Variants in PDCD2 observed in about 807,000 individuals in gnomAD.
The protein encoded by PDCD2 is programmed cell death 2, also known as uS5 assembly chaperone PDCD2.
In PDCD2, 38 loss-of-function variants were observed where a neutral mutation model predicts 38.1. The observed-to-expected ratio is 1.00, with a 90% confidence interval of 0.77 to 1.31. The LOEUF is 1.31. Among genes scored for constraint, PDCD2 ranks in the 50% most tolerant of loss-of-function variants. The pLI, the probability that PDCD2 is intolerant of heterozygous loss-of-function variation, is 0.00. For missense variants in PDCD2, 473 were observed against 435.7 expected, an observed-to-expected ratio of 1.09 and a Z score of -0.76; for synonymous variants, 205 against 168.9, an observed-to-expected ratio of 1.21 and a Z score of -1.66.
Position 170,583,072 on chromosome 6 carries a change from T to C in PDCD2, c.643A>G (p.Ile215Val). The C allele has an allele frequency of 6.2e-7, 1 of 1,612,728 alleles. No homozygotes were observed. The highest frequency in any genetic ancestry group is 8.5e-7 in the Non-Finnish European group (1 of 1,179,108). Residue 215 changes from isoleucine (I) to valine (V), a missense_variant, in exon 3 of 6, where the codon ATT (isoleucine) becomes GTT (valine). Coordinates refer to ENST00000541970, the MANE Select transcript of PDCD2 (RefSeq NM_002598.4). ...EVVEKEDYSEIIGSMGEALEE... is the reference protein window; with the variant it reads ...EVVEKEDYSEVIGSMGEALEE... ...AACTGCTTACCCATGCTCCCTATAA[T>C]CTCTGAGTAATCTTCCTTTTCCACA...
chr6:170,584,323 G>C lies in PDCD2; in HGVS notation c.259C>G (p.Gln87Glu), dbSNP rs750683402. The C allele has an allele frequency of 6.7e-7, 1 of 1,496,974 alleles. No individual in the cohort carries two copies. The highest frequency in any genetic ancestry group is 2.2e-5 in the Admixed American group (1 of 45,806). 92.7% of individuals were successfully genotyped at this position (1,496,974 alleles called of 1,614,324 possible). Reference protein sequence around the residue: ...RCIFLFCCREQPCCAGLRVFR... With the variant: ...RCIFLFCCREEPCCAGLRVFR... ...CCTCGCAGGCCGGCACAGCACGGCT[G>C]CTCGCGGCAGCAGAAGAGGAAGATG... The change falls in exon 1 of 6, where the codon CAG becomes GAG. Residue 87 changes from glutamine to glutamate, a missense_variant. Transcript: ENST00000541970.
At chr6:170,583,970 G>C (rs1259789682) in intron 1 of PDCD2, 1 of 550,616 alleles carries the variant, frequency 1.8e-6, no homozygotes, top group Non-Finnish European at 3.2e-6. Context: ...AAGACTGATC[G>C]TTAAGAACGA....
chr6:170,583,933 G>C, intron 1 of PDCD2, 186 bp from the exon 2 acceptor site: 1 of 606,714 alleles, frequency 1.6e-6, no homozygotes, highest in Non-Finnish European at 2.9e-6. Context: ...TTGCCTCCTA[G>C]AGGTGGTTTG....
At chr6:170,583,264 A>G in intron 2 of PDCD2, 76 bp from the exon 3 acceptor site, 2 of 1,092,432 alleles carry the variant, frequency 1.8e-6, no homozygotes, top group East Asian at 4.7e-5. Context: ...TCTCTAAAGT[A>G]CTATATTCCC....
Position 170,583,043 on chromosome 6 carries a change from CTG to C in PDCD2, c.658+12_658+13del. 2 of 1,607,366 alleles carry C rather than the reference CTG, an allele frequency of 1.2e-6. No homozygotes were observed. Among genetic ancestry groups the C allele is most frequent in the African/African-American group, 2.7e-5 (2 of 74,550 alleles). On this transcript the variant is annotated intron_variant, in intron 3 of 5. Transcript: ENST00000541970. ...GTTTAACCACTTAATGAATGAAGTCCTGAAACTGCTTACCCATGCTCCCTATA... is the reference window on the plus strand; with the variant it reads ...GTTTAACCACTTAATGAATGAAGTCCAAACTGCTTACCCATGCTCCCTATA...
Position 170,577,725 on chromosome 6 carries a change from G to A in PDCD2, c.877-8C>T. On this transcript the variant is annotated splice_region_variant and splice_polypyrimidine_tract_variant and intron_variant, in intron 5 of 5. Transcript: ENST00000541970. ...TAGGAGCTGAGGCATGACCTGAGAAGAGGGTGACACACAGTTAGAAAGCTG... is the reference window on the plus strand; with the variant it reads ...TAGGAGCTGAGGCATGACCTGAGAAAAGGGTGACACACAGTTAGAAAGCTG... 1.2e-6 allele frequency: 2 copies of A among 1,611,948 alleles called. No individual in the cohort carries two copies. The highest frequency in any genetic ancestry group is 1.1e-5 in the South Asian group (1 of 90,930).
chr6:170,578,512 A>G, intron 5 of PDCD2: 1 of 657,312 alleles, frequency 1.5e-6, no homozygotes, highest in African/African-American at 1.8e-5. Flanking sequence ...TTTAATTACT[A>G]GAACAAGAAA....
At chr6:170,578,157 A>G (rs1357932829) in intron 5 of PDCD2, among the ~76,000 whole-genome samples, 1 of 106,724 alleles carries the variant, frequency 9.4e-6, no homozygotes, top group Non-Finnish European at 1.9e-5. Flanking sequence ...AAGAGTGAAT[A>G]GGCAGAATAG....
chr6:170,577,828 A>T, intron 5 of PDCD2, 111 bp from the exon 6 acceptor site: 1 of 952,824 alleles, frequency 1.0e-6, no homozygotes, highest in Non-Finnish European at 1.6e-6. Flanking sequence ...CATACTACAA[A>T]GCAGGATTAT....
intron 3 of PDCD2, chr6:170,582,557 A>G: frequency 7.5e-7 from 1 of 1,334,422 alleles, no homozygotes; most frequent in Non-Finnish European, 9.6e-7. Context: ...AGCCCTTTAT[A>G]TAAGGTAAGT....
rs1397364784 is a variant in PDCD2 at position 170,583,729 on chromosome 6, G to C, written c.302C>G (p.Pro101Arg). The C allele has an allele frequency of 1.9e-6, 3 of 1,609,396 alleles. No homozygotes were observed. The highest frequency in any genetic ancestry group is 2.2e-5 in the South Asian group (2 of 90,476). ...AGLRVFRNQL[P>R]RKNDFYSYEP... ...ATATGAGTAAAAATCGTTTTTCCTG[G>C]GTAGTTGATTCCTAAAAACTAAAAA... Residue 101 changes from proline (P) to arginine (R), a missense_variant, in exon 2 of 6, where the codon CCC becomes CGC. Transcript: ENST00000541970.
Position 170,578,976 on chromosome 6 carries a change from A to G in PDCD2, c.763-6T>C. 6.7e-7 allele frequency: 1 copy of G among 1,483,880 alleles called. No homozygotes were observed. The highest frequency in any genetic ancestry group is 2.3e-5 in the East Asian group (1 of 44,282). The allele number at this position is 1,483,880 out of a possible 1,614,324, so 91.9% of individuals were successfully genotyped here. A position where few individuals can be genotyped will look rare whatever the true frequency, so the allele number is the denominator to read the frequency against. The stretch of plus-strand genomic sequence containing the variant: ...CCTCTGCCATATCTAAGAATCTAAA[A>G]TCAATGAAGATCATGTTCAAATAAT... On this transcript the variant is annotated splice_polypyrimidine_tract_variant and splice_region_variant and intron_variant, in intron 4 of 5. Coordinates refer to ENST00000541970, the MANE Select transcript of PDCD2 (RefSeq NM_002598.4).
rs1214939626 is a variant in PDCD2, at chr6:170,577,674, C to T, written c.920G>A (p.Gly307Asp). The T allele has an allele frequency of 6.2e-7, 1 of 1,613,444 alleles. No individual in the cohort carries two copies. Among genetic ancestry groups the T allele is most frequent in the Admixed American group, 1.7e-5 (1 of 60,008 alleles). ...LLNYLKADRL[G>D]KSIDWGILAV... ...CAGGATGCCCCAGTCAATGCTCTTG[C>T]CCAGTCTGTCAGCCTTCAGGTAGTT... Residue 307 changes from glycine to aspartate, a missense_variant, in exon 6 of 6, where the codon GGC becomes GAC. Coordinates refer to ENST00000541970, the MANE Select transcript of PDCD2 (RefSeq NM_002598.4).
Position 170,583,197 on chromosome 6 carries a change from A to C in PDCD2, c.527-9T>G, listed in dbSNP as rs1401069411. 6.4e-7 allele frequency: 1 copy of C among 1,560,042 alleles called. No individual in the cohort carries two copies. The highest frequency in any genetic ancestry group is 8.8e-7 in the Non-Finnish European group (1 of 1,137,670). ...TATATGGTCCAGATGATCTGAAACA[A>C]AAAGGACAGCACTATTAGTAATCAT... On this transcript the variant is annotated splice_polypyrimidine_tract_variant and intron_variant, in intron 2 of 5. Coordinates refer to ENST00000541970, the MANE Select transcript of PDCD2 (RefSeq NM_002598.4).
At chr6:170,579,805 T>C (rs1779544497) in intron 4 of PDCD2, 197 bp downstream of exon 4, 1 of 494,588 alleles carries the variant, frequency 2.0e-6, no homozygotes, top group Non-Finnish European at 3.6e-6. Context: ...TAGTAACTAT[T>C]AAATGGATCA....
chr6:170,583,450 C>G, intron 2 of PDCD2, 55 bp downstream of exon 2: 3 of 1,549,988 alleles, frequency 1.9e-6, no homozygotes, highest in Non-Finnish European at 2.6e-6. Flanking sequence ...CTGGAAATAT[C>G]TGGGTTGACA....
At chr6:170,583,831 TAAC>T (rs1488801874) in intron 1 of PDCD2, 84 bp from the exon 2 acceptor site, 32 of 1,028,800 alleles carry the variant, frequency 3.1e-5, no homozygotes, top group Admixed American at 2.8e-4. Context: ...AAACTGAAAA[TAAC>T]AACAACAAAA....
chr6:170,580,063 T>G lies in PDCD2; in HGVS notation c.701A>C (p.Glu234Ala), dbSNP rs757244867. The G allele has an allele frequency of 1.2e-6, 2 of 1,612,454 alleles. No individual in the cohort carries two copies. Residue 234 changes from glutamate to alanine, a missense_variant, in exon 4 of 6, where the codon GAA becomes GCA. Coordinates refer to ENST00000541970, the MANE Select transcript of PDCD2 (RefSeq NM_002598.4). ...CTGAAAAATTTTATCTTCCCTGGATTCATGTTTTGCCATGGAATCCAGTTC... is the reference window on the plus strand; with the variant it reads ...CTGAAAAATTTTATCTTCCCTGGATGCATGTTTTGCCATGGAATCCAGTTC... ...EEELDSMAKH[E>A]SREDKIFQKF...
At chr6:170,583,288 T>C in intron 2 of PDCD2, 100 bp from the exon 3 acceptor site, 3 of 979,026 alleles carry the variant, frequency 3.1e-6, no homozygotes, top group East Asian at 2.4e-5. Flanking sequence ...AGTTCTGGCA[T>C]TTTAGATAAA....
Sources: gnomAD v4.1 joint callset for allele counts (sites outside exome capture counted in the v4.1 genomes callset) on GRCh38, gnomAD v4.1.1 for gene constraint, MANE v1.5 for transcripts, NCBI Gene and HGNC (gene_info 2026-07-23, HGNC 2026-07-21) for gene names.